Variants in GNB1 observed in about 807,000 individuals in gnomAD.
GNB1 encodes guanine nucleotide-binding protein G(I)/G(S)/G(T) subunit beta-1.
In GNB1, 2 loss-of-function variants were observed where a neutral mutation model predicts 42.9. The observed-to-expected ratio is 0.05, with a 90% CI of 0.02 to 0.15. The LOEUF (loss-of-function observed/expected upper bound fraction) is 0.15. Among genes scored for constraint, GNB1 ranks in the 10% least tolerant of loss-of-function variants. GNB1 has a pLI of 1.00. For synonymous variants in GNB1, 183 were observed against 174.7 expected (o/e 1.05, Z -0.38); for missense variants, 193 against 462.2 (o/e 0.42, Z 5.34).
intron 1 of GNB1, among the ~76,000 whole-genome samples, chr1:1,852,435 T>C (rs966820570): frequency 5.9e-5 from 9 of 152,224 alleles, no homozygotes; most frequent in Admixed American, 5.9e-4. Context: ...TTTCACGATG[T>C]TAGCCAGGAT....
chr1:1,880,497 A>C (rs988723841), intron 1 of GNB1, among the ~76,000 whole-genome samples: 2 of 152,056 alleles, frequency 1.3e-5, no homozygotes, highest in African/African-American at 4.8e-5. Flanking sequence ...GCCGAGGCAG[A>C]ATTGCGTGAA....
intron 1 of GNB1, among the ~76,000 whole-genome samples, chr1:1,873,957 C>G (rs1016355842): frequency 1.3e-5 from 2 of 152,186 alleles, no homozygotes; most frequent in Non-Finnish European, 2.9e-5. Context: ...GGAACGCATA[C>G]CTGCCTCTAG....
chr1:1,856,316 G>A (rs1479360043), intron 1 of GNB1, among the ~76,000 whole-genome samples: 2 of 152,090 alleles, frequency 1.3e-5, no homozygotes, highest in African/African-American at 4.8e-5. Flanking sequence ...TAGAGATGGG[G>A]TCTCGCTATG....
At chr1:1,840,228 G>C (rs1050753508) in intron 1 of GNB1, among the ~76,000 whole-genome samples, 1 of 127,060 alleles carries the variant, frequency 7.9e-6, no homozygotes, top group Non-Finnish European at 1.7e-5. Context: ...ACACCGTCTC[G>C]AAAAGAAAAA....
intron 1 of GNB1, among the ~76,000 whole-genome samples, chr1:1,875,034 C>T (rs1052767750): frequency 7.9e-5 from 12 of 152,102 alleles, no homozygotes; most frequent in South Asian, 2.1e-4. Flanking sequence ...ACGGGGTTCA[C>T]GCTCCTATGA....
intron 1 of GNB1, among the ~76,000 whole-genome samples, chr1:1,865,430 C>T (rs1214510376): frequency 1.3e-5 from 2 of 151,338 alleles, no homozygotes; most frequent in Non-Finnish European, 1.5e-5. Context: ...ACTAAAAATA[C>T]AAAACATTGG....
intron 2 of GNB1, among the ~76,000 whole-genome samples, chr1:1,826,244 C>G (rs1490405189): frequency 6.6e-6 from 1 of 151,864 alleles, no homozygotes; most frequent in Non-Finnish European, 1.5e-5. Context: ...TGGTGAAACC[C>G]GATCTCTACT....
At chr1:1,792,793 C>T (rs1188495333) in intron 8 of GNB1, among the ~76,000 whole-genome samples, 3 of 151,636 alleles carry the variant, frequency 2.0e-5, no homozygotes, top group East Asian at 1.9e-4. Flanking sequence ...AGGCTAGGCA[C>T]GGAGGCTCAC....
chr1:1,831,503 C>T (rs765048676), intron 2 of GNB1, among the ~76,000 whole-genome samples: 24 of 152,010 alleles, frequency 1.6e-4, no homozygotes, highest in Non-Finnish European at 8.8e-5. Context: ...GGATGGAGTG[C>T]AATGGCGCGA....
At chr1:1,804,281 A>T (rs1350071471) in intron 7 of GNB1, 138 bp downstream of exon 7, 1 of 600,458 alleles carries the variant, frequency 1.7e-6, no homozygotes, top group Non-Finnish European at 2.8e-6. Context: ...CCTGGGTGAC[A>T]GAGCGAGACT....
intron 1 of GNB1, among the ~76,000 whole-genome samples, chr1:1,880,385 G>A (rs1649774982): frequency 6.6e-6 from 1 of 151,976 alleles, no homozygotes; most frequent in African/African-American, 2.4e-5. Flanking sequence ...CGGATCACGA[G>A]GTCAGGAGAT....
At chr1:1,884,378 A>T (rs1650030310) in intron 1 of GNB1, among the ~76,000 whole-genome samples, 1 of 151,468 alleles carries the variant, frequency 6.6e-6, no homozygotes, top group Non-Finnish European at 1.5e-5. Context: ...CGTCTGGGCT[A>T]ATTTTGTATT....
rs995557394 is a variant in GNB1 at position 1,825,810 on chromosome 1, A to G, written c.-46-311T>C. Among the ~76,000 whole-genome samples the G allele has an allele frequency of 7.9e-5, 12 of 151,720 alleles. 1 individual carries two copies. The highest frequency in any genetic ancestry group is 2.6e-4 in the Admixed American group (4 of 15,214). ...AACCTGGGAGGCAGAGCTTGCAGTG[A>G]GCCGAGATGGCGCCAGTGCACTCCA... On this transcript the variant is annotated intron_variant, in intron 2 of 11. Coordinates refer to ENST00000378609, the MANE Select transcript of GNB1 (RefSeq NM_002074.5).
chr1:1,856,152 G>C (rs1163709561), intron 1 of GNB1, among the ~76,000 whole-genome samples: 1 of 152,112 alleles, frequency 6.6e-6, no homozygotes, highest in Non-Finnish European at 1.5e-5. Flanking sequence ...CTCCTGAGCA[G>C]CCAGGACTAA....
chr1:1,838,172 C>A (rs1293704059), intron 2 of GNB1, among the ~76,000 whole-genome samples: 1 of 152,022 alleles, frequency 6.6e-6, no homozygotes, highest in Non-Finnish European at 1.5e-5. Flanking sequence ...CACTGCACTT[C>A]GGCCTGGGCA....
In GNB1 at chr1:1,866,241, G is replaced by A. The variant is rs149443902; in HGVS notation, c.-96+24579C>T. ...AGGCGTGCGCCACTGCGCCCAGCCA[G>A]AAAACAGTATCTTAAAACAGTATGT... On this transcript the variant is annotated intron_variant, in intron 1 of 11. Coordinates refer to ENST00000378609, the MANE Select transcript of GNB1 (RefSeq NM_002074.5). Among the ~76,000 whole-genome samples, 43 of 152,340 alleles carry A rather than the reference G, an allele frequency of 2.8e-4. No individual in the cohort carries two copies. The East Asian group carries it at 4.8e-3, about 17-fold the overall frequency.
chr1:1,864,815 AC>A (rs1396502294), intron 1 of GNB1, among the ~76,000 whole-genome samples: 2 of 152,208 alleles, frequency 1.3e-5, no homozygotes, highest in Non-Finnish European at 2.9e-5. Flanking sequence ...GTGCTCACTT[AC>A]AGCTGCTGAT....
chr1:1,793,609 T>G (rs1443714639), intron 7 of GNB1: 9 of 222,380 alleles, frequency 4.0e-5, no homozygotes, highest in Non-Finnish European at 6.4e-5. Flanking sequence ...GCTTTACTGT[T>G]TGACCCATCA....
intron 1 of GNB1, among the ~76,000 whole-genome samples, chr1:1,868,185 T>G (rs963485166): frequency 2.0e-5 from 3 of 152,104 alleles, no homozygotes; most frequent in South Asian, 4.1e-4. Context: ...GTTTTTTTGT[T>G]TTTTTTTGAG....
Sources: gnomAD v4.1 joint callset for allele counts (sites outside exome capture counted in the v4.1 genomes callset) on GRCh38, gnomAD v4.1.1 for gene constraint, MANE v1.5 for transcripts, NCBI Gene and HGNC (gene_info 2026-07-23, HGNC 2026-07-21) for gene names.